EIF3H: variants seen among roughly 807,000 people sequenced by gnomAD.
The protein encoded by EIF3H is eIF-3-gamma.
Under a neutral mutation model 44.2 loss-of-function variants are expected in EIF3H, and 26 were observed. The ratio of observed to expected loss-of-function variants is 0.59; its 90% CI spans 0.43 to 0.82. EIF3H has a LOEUF of 0.82. Among genes scored for constraint, EIF3H ranks in the 40% least tolerant of loss-of-function variants. EIF3H has a pLI of 0.00. For missense variants in EIF3H, 359 were observed against 432.8 expected (o/e 0.83, Z 1.51); for synonymous variants, 166 against 151.9 (o/e 1.09, Z -0.68).
At chr8:116,684,606 G>A (rs1185605267) in intron 2 of EIF3H, among the ~76,000 whole-genome samples, 1 of 151,750 alleles carries the variant, frequency 6.6e-6, no homozygotes, top group African/African-American at 2.4e-5. Context: ...GACAATTATT[G>A]ATGGGAAGGA....
intron 1 of EIF3H, among the ~76,000 whole-genome samples, chr8:116,733,495 G>A (rs1375531521): frequency 6.6e-6 from 1 of 152,046 alleles, no homozygotes; most frequent in Non-Finnish European, 1.5e-5. Context: ...AAAGCATTAT[G>A]AATAAAAGAC....
rs1477119649 is a variant in EIF3H at position 116,711,950 on chromosome 8, G to C, written c.289+14066C>G. 2.8e-5 allele frequency among the ~76,000 whole-genome samples: 4 copies of C among 140,374 alleles called. No homozygotes were observed. The South Asian group carries it at 6.6e-4, about 23-fold the overall frequency. The allele number at this position is 140,374 out of a possible 152,430, so 92.1% of individuals were successfully genotyped here. A position where few individuals can be genotyped will look rare whatever the true frequency, so the allele number is the denominator to read the frequency against. ...AATGTAGGTAAGCAAAGGCCAAAGT[G>C]CCCAGCACACAGTTTCCACTCAAAT... On this transcript the variant is annotated intron_variant, in intron 2 of 7. Transcript: ENST00000521861.
At chr8:116,704,081 T>C (rs1359242971) in intron 2 of EIF3H, among the ~76,000 whole-genome samples, 2 of 152,170 alleles carry the variant, frequency 1.3e-5, no homozygotes, top group African/African-American at 4.8e-5. Context: ...CATAACATCA[T>C]TTCTGCCTAT....
At chr8:116,676,526 G>A (rs993798301) in intron 2 of EIF3H, among the ~76,000 whole-genome samples, 8 of 152,138 alleles carry the variant, frequency 5.3e-5, no homozygotes, top group Middle Eastern at 3.2e-3. Context: ...CAGCATGGGG[G>A]AAACCGCCCC....
intron 2 of EIF3H, among the ~76,000 whole-genome samples, chr8:116,678,229 G>C (rs1198502954): frequency 6.6e-6 from 1 of 151,752 alleles, no homozygotes; most frequent in Non-Finnish European, 1.5e-5. Context: ...TCCTAACTGC[G>C]AGTGATCCGC....
At chr8:116,739,477 C>T (rs908701990) in intron 1 of EIF3H, among the ~76,000 whole-genome samples, 1 of 152,122 alleles carries the variant, frequency 6.6e-6, no homozygotes, top group African/African-American at 2.4e-5. Flanking sequence ...GGTGAAACCC[C>T]ATCTCTACTA....
intron 1 of EIF3H, among the ~76,000 whole-genome samples, chr8:116,746,869 A>C (rs543394178): frequency 6.6e-6 from 1 of 151,496 alleles, no homozygotes; most frequent in Admixed American, 6.6e-5. Context: ...CACTCACAGC[A>C]AAAAAAAACC....
chr8:116,725,905 A>G, intron 2 of EIF3H, 111 bp downstream of exon 2: 3 of 1,289,994 alleles, frequency 2.3e-6, no homozygotes, highest in Non-Finnish European at 3.2e-6. Flanking sequence ...CAAGTGAAGT[A>G]GGCTAGCCTG....
In EIF3H at chr8:116,642,811, C is replaced by T. The variant is rs1408312639; in HGVS notation, c.*2195G>A. 2 of 152,160 alleles carry T rather than the reference C, an allele frequency of 1.3e-5. No individual in the cohort carries two copies. The highest frequency in any genetic ancestry group is 2.9e-5 in the Non-Finnish European group (2 of 68,018). The allele number at this position is 152,160 out of a possible 1,614,324, so 9.4% of individuals were successfully genotyped here. A position where few individuals can be genotyped will look rare whatever the true frequency, so the allele number is the denominator to read the frequency against. ...TATTCCCTAACACTACATACTGTGG[C>T]GAGTTAATTTCCACTGACATGTTTT... On this transcript the variant is annotated 3_prime_UTR_variant, in exon 8 of 8. Coordinates refer to ENST00000521861, the MANE Select transcript of EIF3H (RefSeq NM_003756.3).
At chr8:116,716,071 T>C (rs1049380691) in intron 2 of EIF3H, among the ~76,000 whole-genome samples, 20 of 152,166 alleles carry the variant, frequency 1.3e-4, no homozygotes, top group African/African-American at 4.1e-4. Context: ...AAACTTATAA[T>C]AACAGTTTTC....
chr8:116,672,162 C>T (rs1423626609), intron 2 of EIF3H, among the ~76,000 whole-genome samples: 1 of 152,148 alleles, frequency 6.6e-6, no homozygotes, highest in Non-Finnish European at 1.5e-5. Context: ...TAAAAATCTG[C>T]CGTGAATAAA....
At chr8:116,679,186 C>A (rs1271000191) in intron 2 of EIF3H, among the ~76,000 whole-genome samples, 1 of 81,260 alleles carries the variant, frequency 1.2e-5, no homozygotes. Context: ...CAGCCCCCCG[C>A]CCGGCCAGCC....
intron 1 of EIF3H, among the ~76,000 whole-genome samples, chr8:116,729,148 AAC>A (rs1814909298): frequency 6.6e-6 from 1 of 152,174 alleles, no homozygotes. Context: ...GAGATTGCTA[AAC>A]CACTACTGAA....
chr8:116,667,720 T>C (rs1203011848), intron 2 of EIF3H, among the ~76,000 whole-genome samples: 4 of 152,192 alleles, frequency 2.6e-5, no homozygotes, highest in Non-Finnish European at 5.9e-5. Flanking sequence ...TCACTTAACT[T>C]TCTTTGCTCC....
At chr8:116,678,522 G>C (rs1333141399) in intron 2 of EIF3H, among the ~76,000 whole-genome samples, 1 of 149,998 alleles carries the variant, frequency 6.7e-6, no homozygotes, top group South Asian at 2.2e-4. Context: ...GTCTCTGCCC[G>C]GCCGCCATCC....
At chr8:116,736,478 G>A (rs986224407) in intron 1 of EIF3H, among the ~76,000 whole-genome samples, 1 of 152,122 alleles carries the variant, frequency 6.6e-6, no homozygotes, top group Non-Finnish European at 1.5e-5. Context: ...TGACTAACAC[G>A]GTGAAACCCC....
At chr8:116,662,418 G>C (rs1310256025) in intron 2 of EIF3H, among the ~76,000 whole-genome samples, 1 of 152,142 alleles carries the variant, frequency 6.6e-6, no homozygotes, top group Non-Finnish European at 1.5e-5. Flanking sequence ...CTGCTCCTAT[G>C]AAGCGCCAAC....
intron 5 of EIF3H, among the ~76,000 whole-genome samples, chr8:116,651,700 A>T (rs1813396573): frequency 6.6e-6 from 1 of 152,138 alleles, no homozygotes; most frequent in Non-Finnish European, 1.5e-5. Context: ...TCTTCTCTGG[A>T]TACAATGTAT....
At chr8:116,662,611 A>G (rs902356712) in intron 2 of EIF3H, among the ~76,000 whole-genome samples, 2 of 152,108 alleles carry the variant, frequency 1.3e-5, no homozygotes, top group East Asian at 3.9e-4. Flanking sequence ...ATCTCCCTTC[A>G]CCCACAGTTT....
Sources: gnomAD v4.1 joint callset for allele counts (sites outside exome capture counted in the v4.1 genomes callset) on GRCh38, gnomAD v4.1.1 for gene constraint, MANE v1.5 for transcripts, NCBI Gene and HGNC (gene_info 2026-07-23, HGNC 2026-07-21) for gene names.